The following FBN1 variants were observed in gnomAD, a reference collection of about 807,000 sequenced individuals.
FBN1 encodes fibrillin 1, also known as fibrillin-1.
In FBN1, 29 loss-of-function variants were observed where a neutral mutation model predicts 365.1. The ratio of observed to expected loss-of-function variants is 0.08; its 90% CI spans 0.06 to 0.11. FBN1 has a LOEUF of 0.11. Ranked by LOEUF, FBN1 falls within the 10% of genes least tolerant of loss-of-function variation. The pLI, the probability that FBN1 is intolerant of heterozygous loss-of-function variation, is 1.00. For missense variants in FBN1, 2,476 were observed against 3,703.2 expected (o/e 0.67, Z 8.60); for synonymous variants, 1,210 against 1,270.5 (o/e 0.95, Z 1.01).
intron 64 of FBN1, among the ~76,000 whole-genome samples, chr15:48,415,167 C>T (rs573090901): frequency 1.3e-5 from 2 of 152,092 alleles, no homozygotes; most frequent in South Asian, 4.1e-4. Context: ...TCCTCCCTGC[C>T]CCAGGAGAAG....
chr15:48,565,142 A>C (rs547798401), intron 6 of FBN1, among the ~76,000 whole-genome samples: 2 of 152,198 alleles, frequency 1.3e-5, no homozygotes, highest in Non-Finnish European at 2.9e-5. Context: ...AGCTTAAGGG[A>C]AACAGCTGTC....
At chr15:48,446,863 A>G in intron 46 of FBN1, 41 bp from the exon 47 acceptor site, 1 of 1,377,146 alleles carries the variant, frequency 7.3e-7, no homozygotes, top group East Asian at 2.3e-5. Flanking sequence ...AATTATAAGT[A>G]GAAAAAGTGG....
intron 4 of FBN1, among the ~76,000 whole-genome samples, chr15:48,607,829 G>C (rs192717038): frequency 2.6e-5 from 4 of 152,304 alleles, no homozygotes; most frequent in Non-Finnish European, 4.4e-5. Context: ...TTAGAACAAT[G>C]AGTAAATTCA....
Position 48,537,602 on chromosome 15 carries a change from C to T in FBN1, c.736+9G>A, listed in dbSNP as rs368241741. ...TAATCCATTAATAATTCCATCAGCC[C>T]GGGTTTACCTTGACAAGCTCCCGTG... On this transcript the variant is annotated intron_variant, in intron 7 of 65. Transcript: ENST00000316623. 2.3e-5 allele frequency: 37 copies of T among 1,613,980 alleles called. No homozygotes were observed. In the African/African-American group the frequency reaches 3.2e-4, roughly 14 times the overall value.
chr15:48,493,300 C>A (rs1035000595), intron 23 of FBN1, among the ~76,000 whole-genome samples: 2 of 151,998 alleles, frequency 1.3e-5, no homozygotes, highest in Admixed American at 6.6e-5. Flanking sequence ...AAGAAAGGCA[C>A]TTACTTGCCA....
chr15:48,640,993 G>A (rs574693399), intron 2 of FBN1: 20 of 151,924 alleles, frequency 1.3e-4, no homozygotes, highest in African/African-American at 3.4e-4. Flanking sequence ...AACAAATAGC[G>A]TTATGATTTT....
intron 6 of FBN1, among the ~76,000 whole-genome samples, chr15:48,543,288 C>A (rs2044072043): frequency 6.6e-6 from 1 of 152,118 alleles, no homozygotes. Flanking sequence ...ACATCCAACC[C>A]CTACCCACTG....
At chr15:48,444,279 C>T (rs2043137483) in intron 49 of FBN1, among the ~76,000 whole-genome samples, 1 of 152,110 alleles carries the variant, frequency 6.6e-6, no homozygotes, top group Non-Finnish European at 1.5e-5. Context: ...GCATTCCTAA[C>T]AAATGTGTGA....
intron 20 of FBN1, 29 bp downstream of exon 20, chr15:48,496,071 C>T: frequency 6.2e-7 from 1 of 1,613,228 alleles, no homozygotes; most frequent in East Asian, 2.2e-5. Context: ...TAGCAAAGTA[C>T]ACAGTATAAG....
intron 2 of FBN1, among the ~76,000 whole-genome samples, chr15:48,617,558 TA>T (rs1889682190): frequency 6.6e-6 from 1 of 152,192 alleles, no homozygotes; most frequent in Non-Finnish European, 1.5e-5. Context: ...CACTGTATGT[TA>T]CATTTTTTTA....
chr15:48,560,340 AAG>A (rs1345680327), intron 6 of FBN1, among the ~76,000 whole-genome samples: 1 of 152,146 alleles, frequency 6.6e-6, no homozygotes, highest in East Asian at 1.9e-4. Context: ...CTTAATCTCT[AAG>A]TCTTGTTTCC....
rs530623157 is a variant in FBN1 at position 48,514,465 on chromosome 15, T to C, written c.1469-797A>G. 2.6e-5 allele frequency among the ~76,000 whole-genome samples: 4 copies of C among 152,308 alleles called. No individual in the cohort carries two copies. The East Asian group carries it at 7.7e-4, about 29-fold the overall frequency. ...AGAACTCATCATTTCTGACAAATCATAAATTTATAATTATAAAAGTAGAAT... is the reference window on the plus strand; with the variant it reads ...AGAACTCATCATTTCTGACAAATCACAAATTTATAATTATAAAAGTAGAAT... On this transcript the variant is annotated intron_variant, in intron 12 of 65. Transcript: ENST00000316623.
intron 31 of FBN1, 74 bp from the exon 32 acceptor site, chr15:48,481,854 A>T: frequency 7.1e-7 from 1 of 1,414,150 alleles, no homozygotes; most frequent in Non-Finnish European, 1.0e-6. Flanking sequence ...AGACATAATA[A>T]CTATGACAAA....
rs543120950 is a variant in FBN1, at chr15:48,508,970, T to C, written c.1715-266A>G. On this transcript the variant is annotated intron_variant, in intron 14 of 65. Coordinates refer to ENST00000316623, the MANE Select transcript of FBN1 (RefSeq NM_000138.5). ...TATCTATTTATAAAATTTGACTCCA[T>C]AGAAGTTATCAGGATCCTTTTTAGG... 2.6e-5 allele frequency among the ~76,000 whole-genome samples: 4 copies of C among 152,340 alleles called. No individual in the cohort carries two copies. The South Asian group carries it at 8.3e-4, about 32-fold the overall frequency.
chr15:48,475,258 T>TA (rs1174394610), intron 32 of FBN1, among the ~76,000 whole-genome samples: 1 of 152,174 alleles, frequency 6.6e-6, no homozygotes, highest in African/African-American at 2.4e-5. Flanking sequence ...CCTAGCTTCT[T>TA]AGAGTCCTAG....
At chr15:48,512,022 G>A (rs973862662) in intron 13 of FBN1, among the ~76,000 whole-genome samples, 3 of 152,172 alleles carry the variant, frequency 2.0e-5, no homozygotes, top group Non-Finnish European at 1.5e-5. Context: ...ACTCAGTTAC[G>A]TGTTCAACCT....
At chr15:48,609,535 G>A (rs548304907) in intron 4 of FBN1, among the ~76,000 whole-genome samples, 35 of 152,308 alleles carry the variant, frequency 2.3e-4, no homozygotes, top group African/African-American at 6.0e-4. Context: ...GCGAGGGCTC[G>A]GTCCCACTGG....
intron 6 of FBN1, among the ~76,000 whole-genome samples, chr15:48,584,708 C>T (rs1421517395): frequency 6.6e-6 from 1 of 151,990 alleles, no homozygotes; most frequent in Non-Finnish European, 1.5e-5. Flanking sequence ...AAAGAAATAG[C>T]CCAATCCCAC....
In FBN1 at chr15:48,612,216, T is replaced by C. The variant is rs561981370; in HGVS notation, c.247+794A>G. Among the ~76,000 whole-genome samples the C allele has an allele frequency of 1.2e-4, 19 of 152,326 alleles. No homozygotes were observed. In the South Asian group the frequency reaches 3.7e-3, roughly 30 times the overall value. ...ACTTTTTCAGGTCATGAAGCAAATA[T>C]TGGCCAATATAGTCTATTGAATACT... On this transcript the variant is annotated intron_variant, in intron 3 of 65. Transcript: ENST00000316623.
Sources: gnomAD v4.1 joint callset for allele counts (sites outside exome capture counted in the v4.1 genomes callset) on GRCh38, gnomAD v4.1.1 for gene constraint, MANE v1.5 for transcripts, NCBI Gene and HGNC (gene_info 2026-07-23, HGNC 2026-07-21) for gene names.